USH2A: variants seen among roughly 807,000 people sequenced by gnomAD.
USH2A encodes Usher syndrome 2A (autosomal recessive, mild).
USH2A carries 443 observed loss-of-function variants against 538.9 expected under a neutral mutation model. That is an observed-to-expected ratio of 0.82 (90% confidence interval 0.76 to 0.89). The LOEUF (loss-of-function observed/expected upper bound fraction) is 0.89, where lower values mean the gene tolerates loss of function less well. Among genes scored for constraint, USH2A ranks in the 40% least tolerant of loss-of-function variants. USH2A has a pLI of 0.00. For missense variants in USH2A, 6,633 were observed against 6,324.8 expected (o/e 1.05, Z -1.65); for synonymous variants, 2,413 against 2,273.5 (o/e 1.06, Z -1.75).
In USH2A at chr1:216,246,775, C is replaced by T. The variant is rs761326678; in HGVS notation, c.2619G>A (p.Gly873=). The change falls in exon 13 of 72, where the codon GGG becomes GGA. Residue 873 remains glycine (G), a synonymous_variant. Transcript: ENST00000307340. ...KSTGQCPCKL[G]VTGLRCNQCE... is the part of the protein sequence containing the mutation. Reference sequence around the variant, plus strand: ...ACTGATTACAGCGAAGACCTGTTACCCCTAATTTGCAAGGACATTGTCCTG... The same window carrying T: ...ACTGATTACAGCGAAGACCTGTTACTCCTAATTTGCAAGGACATTGTCCTG... 1.5e-5 allele frequency: 25 copies of T among 1,614,102 alleles called. No homozygotes were observed. Among genetic ancestry groups the T allele is most frequent in the Non-Finnish European group, 2.0e-5 (24 of 1,179,976 alleles).
intron 60 of USH2A, among the ~76,000 whole-genome samples, chr1:215,734,691 AC>A (rs1399591535): frequency 6.6e-6 from 1 of 152,066 alleles, no homozygotes; most frequent in African/African-American, 2.4e-5. Context: ...TTCCACCAGT[AC>A]CCTAGGTTTT....
intron 37 of USH2A, among the ~76,000 whole-genome samples, chr1:215,955,753 A>G (rs574965267): frequency 2.0e-5 from 3 of 152,192 alleles, no homozygotes; most frequent in Admixed American, 6.5e-5. Context: ...CACATTGATT[A>G]TGAAGAATTT....
chr1:215,652,957 A>G (rs1486662762), intron 64 of USH2A, among the ~76,000 whole-genome samples: 1 of 152,202 alleles, frequency 6.6e-6, no homozygotes, highest in Non-Finnish European at 1.5e-5. Flanking sequence ...CAACTTGCCA[A>G]TTAATTACTG....
chr1:215,840,137 T>C (rs1001651562), intron 46 of USH2A, among the ~76,000 whole-genome samples: 22 of 112,160 alleles, frequency 2.0e-4, no homozygotes, highest in African/African-American at 7.8e-4. Flanking sequence ...CACTCCAACC[T>C]GGGTGAGAAG....
chr1:216,038,872 C>T (rs1176866846), intron 32 of USH2A, among the ~76,000 whole-genome samples: 2 of 152,018 alleles, frequency 1.3e-5, no homozygotes, highest in Non-Finnish European at 2.9e-5. Context: ...AACTCCATTG[C>T]TTTTCTAACT....
chr1:216,145,214 T>A (rs2033672939), intron 21 of USH2A, among the ~76,000 whole-genome samples: 1 of 152,208 alleles, frequency 6.6e-6, no homozygotes, highest in East Asian at 1.9e-4. Flanking sequence ...TAGCTCTAAA[T>A]TCCAATTCCA....
intron 32 of USH2A, among the ~76,000 whole-genome samples, chr1:216,008,917 C>T (rs138708818): frequency 0.029 from 4,428 of 152,072 alleles, 209 homozygotes; most frequent in African/African-American, 0.1. Context: ...ATTGCAGGGA[C>T]GCCTCTCTGA....
At chr1:216,071,800 G>A (rs2031567635) in intron 29 of USH2A, among the ~76,000 whole-genome samples, 1 of 152,164 alleles carries the variant, frequency 6.6e-6, no homozygotes, top group Non-Finnish European at 1.5e-5. Context: ...AGTAACAAGT[G>A]AGTATTTTAT....
intron 4 of USH2A, among the ~76,000 whole-genome samples, chr1:216,341,707 C>T (rs1277327738): frequency 6.6e-6 from 1 of 152,106 alleles, no homozygotes; most frequent in Non-Finnish European, 1.5e-5. Flanking sequence ...CTACAACCAT[C>T]TGATCTTTGA....
At chr1:216,131,347 C>A (rs2033371736) in intron 21 of USH2A, among the ~76,000 whole-genome samples, 1 of 151,984 alleles carries the variant, frequency 6.6e-6, no homozygotes, top group African/African-American at 2.4e-5. Flanking sequence ...GTTTTTACTG[C>A]ATTTGCTTCT....
At chr1:215,822,615 C>G (rs945760769) in intron 47 of USH2A, among the ~76,000 whole-genome samples, 1 of 151,854 alleles carries the variant, frequency 6.6e-6, no homozygotes, top group Non-Finnish European at 1.5e-5. Flanking sequence ...CCCTTTATTT[C>G]TTCTCTTGAC....
At chr1:215,709,645 TAAAAAAAAA>T (rs5780846) in intron 61 of USH2A, among the ~76,000 whole-genome samples, 1 of 127,036 alleles carries the variant, frequency 7.9e-6, no homozygotes, top group African/African-American at 3.0e-5. Context: ...AGATAATTTG[TAAAAAAAAA>T]AAAAAAAAAA....
chr1:215,996,206 C>T (rs1350098686), intron 34 of USH2A, among the ~76,000 whole-genome samples: 2 of 152,122 alleles, frequency 1.3e-5, no homozygotes, highest in Non-Finnish European at 2.9e-5. Flanking sequence ...CCAGTGTGCC[C>T]GGACCAAAAC....
intron 37 of USH2A, among the ~76,000 whole-genome samples, chr1:215,949,685 T>A (rs2102439417): frequency 6.6e-6 from 1 of 152,222 alleles, no homozygotes; most frequent in African/African-American, 2.4e-5. Flanking sequence ...GTTTCAACTG[T>A]AGACGGAGAA....
chr1:216,041,128 A>G (rs914985356), intron 32 of USH2A, among the ~76,000 whole-genome samples: 9 of 152,008 alleles, frequency 5.9e-5, no homozygotes, highest in Admixed American at 2.6e-4. Context: ...TATGGTTACG[A>G]AAAATCCATT....
chr1:216,220,186 A>G (rs2035428740), intron 14 of USH2A, among the ~76,000 whole-genome samples: 1 of 151,996 alleles, frequency 6.6e-6, no homozygotes, highest in African/African-American at 2.4e-5. Flanking sequence ...ATATCCCAAG[A>G]TATATAGGTC....
intron 3 of USH2A, among the ~76,000 whole-genome samples, chr1:216,369,268 T>A (rs2038657579): frequency 6.6e-6 from 1 of 152,188 alleles, no homozygotes; most frequent in Admixed American, 6.5e-5. Context: ...AAGTTTATTT[T>A]AAAAATCACA....
intron 62 of USH2A, 70 bp downstream of exon 62, chr1:215,680,079 T>C (rs761493185): frequency 6.7e-6 from 10 of 1,489,522 alleles, no homozygotes; most frequent in Non-Finnish European, 9.4e-6. Context: ...AGTGACCTGA[T>C]GGCATGTCAG....
At position 215,816,549 on chromosome 1, in the gene USH2A, CTCTG is replaced by C. The variant is rs372638717; in HGVS notation, c.9570+444_9570+447del. 5.9e-5 allele frequency among the ~76,000 whole-genome samples: 9 copies of C among 152,086 alleles called. No individual in the cohort carries two copies. The South Asian group carries it at 1.9e-3, about 32-fold the overall frequency. On this transcript the variant is annotated intron_variant, in intron 48 of 71. Transcript: ENST00000307340. ...GTCAATAAAAGTCATTTACAAACTC[CTCTG>C]TCTGGCTGTATTATTGATCTGATTT...
Sources: allele counts gnomAD v4.1 joint callset (sites outside exome capture counted in the v4.1 genomes callset), GRCh38; gene constraint gnomAD v4.1.1; transcripts MANE v1.5; gene names NCBI Gene and HGNC (gene_info 2026-07-23, HGNC 2026-07-21).